RAB22A: variants seen among roughly 807,000 people sequenced by gnomAD.
The protein encoded by RAB22A is RAB22A, member RAS oncogene family.
In RAB22A, 13 loss-of-function variants were observed where a neutral mutation model predicts 30.2. The observed-to-expected ratio is 0.43, with a 90% CI of 0.28 to 0.68. The LOEUF (loss-of-function observed/expected upper bound fraction) is 0.68. Ranked by LOEUF, RAB22A falls within the 30% of genes least tolerant of loss-of-function variation. The probability of loss-of-function intolerance (pLI) is 0.18; values close to 1 mark genes in which losing one functional copy is unlikely to be tolerated. For synonymous variants in RAB22A, 89 were observed against 87.2 expected, an observed-to-expected ratio of 1.02 and a Z score of -0.11; for missense variants, 177 against 246.8, an observed-to-expected ratio of 0.72 and a Z score of 1.89.
chr20:58,337,400 C>G (rs1486912428), intron 2 of RAB22A, among the ~76,000 whole-genome samples: 3 of 152,176 alleles, frequency 2.0e-5, no homozygotes, highest in African/African-American at 7.2e-5. Flanking sequence ...GGTCCTCTCT[C>G]CATCACAAGA....
intron 2 of RAB22A, among the ~76,000 whole-genome samples, chr20:58,331,826 C>A (rs1373782987): frequency 6.6e-6 from 1 of 152,114 alleles, no homozygotes; most frequent in Non-Finnish European, 1.5e-5. Flanking sequence ...CATTCACACT[C>A]AGCACTTTGA....
intron 2 of RAB22A, among the ~76,000 whole-genome samples, chr20:58,331,959 G>A (rs1203391013): frequency 6.6e-6 from 1 of 152,120 alleles, no homozygotes; most frequent in Admixed American, 6.5e-5. Context: ...GTTCTGCCTT[G>A]CCATAAGGGA....
Position 58,362,811 on chromosome 20 carries a change from C to T in RAB22A, c.*3108C>T, listed in dbSNP as rs968324. The T allele has an allele frequency of 0.37, 56,504 of 152,154 alleles. 10,815 individuals are homozygous for T. The highest frequency in any genetic ancestry group is 0.57 in the South Asian group (2,733 of 4,820). 9.4% of individuals were successfully genotyped at this position (152,154 alleles called of 1,614,324 possible). ...CCGTTTATGATGTTGTTTGAAGTCC[C>T]TGTTTCCCATTGTGTACGCACTTTC... is the stretch of plus-strand genomic sequence containing the variant. On this transcript the variant is annotated 3_prime_UTR_variant, in exon 7 of 7. Coordinates refer to ENST00000244040, the MANE Select transcript of RAB22A (RefSeq NM_020673.3).
chr20:58,320,945 A>T (rs963079018), intron 2 of RAB22A, among the ~76,000 whole-genome samples: 4 of 152,020 alleles, frequency 2.6e-5, no homozygotes, highest in Admixed American at 2.6e-4. Context: ...TAATCCCAGC[A>T]CTTTGGGAGG....
intron 2 of RAB22A, among the ~76,000 whole-genome samples, chr20:58,338,914 A>T (rs1986808788): frequency 6.6e-6 from 1 of 152,188 alleles, no homozygotes; most frequent in Admixed American, 6.5e-5. Flanking sequence ...TAATTGTAAA[A>T]TGTGCTGGAT....
chr20:58,321,380 A>G (rs77887379), intron 2 of RAB22A, among the ~76,000 whole-genome samples: 4,694 of 151,976 alleles, frequency 0.031, 247 homozygotes, highest in African/African-American at 0.11. Context: ...AAAAAAGTCT[A>G]TTGTGGTCAG....
intron 2 of RAB22A, among the ~76,000 whole-genome samples, chr20:58,330,842 G>A (rs73915833): frequency 6.6e-6 from 1 of 151,844 alleles, no homozygotes; most frequent in South Asian, 2.1e-4. Flanking sequence ...TCTTTTTTTG[G>A]CCTTCCAGCT....
Position 58,359,780 on chromosome 20 carries a change from C to T in RAB22A, c.*77C>T. 2.3e-6 allele frequency: 3 copies of T among 1,279,456 alleles called. No homozygotes were observed. The highest frequency in any genetic ancestry group is 3.3e-6 in the Non-Finnish European group (3 of 900,046). The allele number at this position is 1,279,456 out of a possible 1,614,324, so 79.3% of individuals were successfully genotyped here. A position where few individuals can be genotyped will look rare whatever the true frequency, so the allele number is the denominator to read the frequency against. On this transcript the variant is annotated 3_prime_UTR_variant, in exon 7 of 7. Transcript: ENST00000244040. The stretch of plus-strand genomic sequence containing the variant: ...AACAGGAGGGCTGGGGTCCCTGCCA[C>T]CAGTTTTCACCTAGCCAGTCTTGAG...
chr20:58,341,499 T>C (rs1032018872), intron 2 of RAB22A, among the ~76,000 whole-genome samples: 3 of 151,942 alleles, frequency 2.0e-5, no homozygotes, highest in Non-Finnish European at 2.9e-5. Flanking sequence ...TGGTGATCAA[T>C]GGACTGGAAG....
intron 2 of RAB22A, among the ~76,000 whole-genome samples, chr20:58,328,295 C>T (rs6015253): frequency 0.054 from 8,189 of 152,142 alleles, 266 homozygotes; most frequent in Middle Eastern, 0.099. Flanking sequence ...GATCCTCCCA[C>T]CTCAGCCTCC....
chr20:58,315,429 C>G lies in RAB22A; in HGVS notation c.116+4307C>G, dbSNP rs116121796. Among the ~76,000 whole-genome samples the G allele has an allele frequency of 7.4e-3, 1,121 of 152,276 alleles. 12 individuals carry two copies. Among genetic ancestry groups the G allele is most frequent in the African/African-American group, 0.026 (1,075 of 41,544 alleles). ...CGGTATCTGTGTTCTTCCCTAAGGG[C>G]TCGCCTGTGTCGTATCATGGGGAAG... On this transcript the variant is annotated intron_variant, in intron 2 of 6. Transcript: ENST00000244040.
intron 2 of RAB22A, among the ~76,000 whole-genome samples, chr20:58,317,589 C>T (rs547440767): frequency 0.014 from 1,942 of 134,420 alleles, 25 homozygotes; most frequent in Non-Finnish European, 0.021. Context: ...GACAGAGTCT[C>T]GCTCTGTCGC....
intron 2 of RAB22A, among the ~76,000 whole-genome samples, chr20:58,325,057 G>A (rs563006828): frequency 7.7e-4 from 111 of 144,078 alleles, no homozygotes; most frequent in Non-Finnish European, 1.4e-3. Flanking sequence ...TGCGCCTGTA[G>A]TCCCAGCTAC....
At position 58,360,070 on chromosome 20, in the gene RAB22A, GA is replaced by G. The variant is rs1377706211; in HGVS notation, c.*370del. On this transcript the variant is annotated 3_prime_UTR_variant, in exon 7 of 7. Transcript: ENST00000244040. ...CACTTTTGTGGTTCTTAAGGGAAAA[GA>G]AACAGACCTTGTGGAGATTATAATT... The G allele has an allele frequency of 6.4e-6, 1 of 156,022 alleles. No homozygotes were observed. Among genetic ancestry groups the G allele is most frequent in the Admixed American group, 6.5e-5 (1 of 15,464 alleles). The allele number at this position is 156,022 out of a possible 1,614,324, so 9.7% of individuals were successfully genotyped here. A position where few individuals can be genotyped will look rare whatever the true frequency, so the allele number is the denominator to read the frequency against.
rs1448423412 is a variant in RAB22A, at chr20:58,365,436, A to AT, written c.*5738dup. The AT allele has an allele frequency of 6.6e-6, 1 of 152,164 alleles. No individual in the cohort carries two copies. The highest frequency in any genetic ancestry group is 1.5e-5 in the Non-Finnish European group (1 of 68,032). The allele number at this position is 152,164 out of a possible 1,614,324, so 9.4% of individuals were successfully genotyped here. A position where few individuals can be genotyped will look rare whatever the true frequency, so the allele number is the denominator to read the frequency against. Reference sequence around the variant, plus strand: ...TAATCCTAGTATCATTTGGCCATTAATTTTTAATTAAGTTTATACTTGAAT... The same window carrying AT: ...TAATCCTAGTATCATTTGGCCATTAATTTTTTAATTAAGTTTATACTTGAAT... On this transcript the variant is annotated 3_prime_UTR_variant, in exon 7 of 7. Coordinates refer to ENST00000244040, the MANE Select transcript of RAB22A (RefSeq NM_020673.3).
At position 58,340,551 on chromosome 20, in the gene RAB22A, A is replaced by G. The variant is rs748581873; in HGVS notation, c.117-3167A>G. Among the ~76,000 whole-genome samples, 3 of 152,204 alleles carry G rather than the reference A, an allele frequency of 2.0e-5. 1 individual carries two copies. The South Asian group carries it at 6.2e-4, about 32-fold the overall frequency. Reference sequence around the variant, plus strand: ...CAGACAGCCACTTAGCTTGTAGGCTACATGATAAATGTTTTGTTGGAGTTC... The same window carrying G: ...CAGACAGCCACTTAGCTTGTAGGCTGCATGATAAATGTTTTGTTGGAGTTC... On this transcript the variant is annotated intron_variant, in intron 2 of 6. Transcript: ENST00000244040.
intron 2 of RAB22A, among the ~76,000 whole-genome samples, chr20:58,327,698 CA>C (rs1012017227): frequency 2.7e-5 from 4 of 150,874 alleles, no homozygotes; most frequent in Non-Finnish European, 4.4e-5. Context: ...TAAGAGTATC[CA>C]AAAAAAAGAG....
chr20:58,336,337 C>G, intron 2 of RAB22A, among the ~76,000 whole-genome samples: 1 of 151,988 alleles, frequency 6.6e-6, no homozygotes, highest in Non-Finnish European at 1.5e-5. Context: ...ATTATCCAGC[C>G]CAAAATGTCA....
intron 2 of RAB22A, among the ~76,000 whole-genome samples, chr20:58,323,240 A>C (rs955853968): frequency 6.6e-6 from 1 of 152,052 alleles, no homozygotes; most frequent in Non-Finnish European, 1.5e-5. Flanking sequence ...TAATATGGTA[A>C]ATGGCATTGT....
Sources: gnomAD v4.1 joint callset for allele counts (sites outside exome capture counted in the v4.1 genomes callset) on GRCh38, gnomAD v4.1.1 for gene constraint, MANE v1.5 for transcripts, NCBI Gene and HGNC (gene_info 2026-07-23, HGNC 2026-07-21) for gene names.